The following DHX38 variants were observed in gnomAD, a reference collection of about 807,000 sequenced individuals.
DHX38 encodes the protein DEAH-box helicase 38.
In DHX38, 100 loss-of-function variants were observed where a neutral mutation model predicts 153.1. The ratio of observed to expected loss-of-function variants is 0.65; its 90% CI spans 0.56 to 0.77. The LOEUF is 0.77. Ranked by LOEUF, DHX38 falls within the 30% of genes least tolerant of loss-of-function variation. DHX38 has a pLI of 0.00. For synonymous variants in DHX38, 650 were observed against 631.7 expected, an observed-to-expected ratio of 1.03 and a Z score of -0.43; for missense variants, 1,440 against 1,654.0, an observed-to-expected ratio of 0.87 and a Z score of 2.24.
Position 72,112,628 on chromosome 16 carries a change from A to G in DHX38, c.*131A>G. On this transcript the variant is annotated 3_prime_UTR_variant, in exon 27 of 27. Transcript: ENST00000268482. ...TGTGCATATCACGGCCCCCCAGGGC[A>G]GTTCCTGCTGGACCAGACTCTCTGG... 1.0e-6 allele frequency: 1 copy of G among 977,106 alleles called. No homozygotes were observed. The highest frequency in any genetic ancestry group is 1.6e-6 in the Non-Finnish European group (1 of 633,938). 60.5% of individuals were successfully genotyped at this position (977,106 alleles called of 1,614,324 possible). A position where few individuals can be genotyped will look rare whatever the true frequency, so the allele number is the denominator to read the frequency against.
intron 3 of DHX38, chr16:72,097,302 T>C (rs1468666379): frequency 2.5e-6 from 1 of 393,360 alleles, no homozygotes; most frequent in East Asian, 4.3e-5. Flanking sequence ...CTAATAGTAT[T>C]GGTGATAGAG....
At chr16:72,105,702 C>G in intron 18 of DHX38, 78 bp downstream of exon 18, 2 of 1,395,824 alleles carry the variant, frequency 1.4e-6, no homozygotes, top group Non-Finnish European at 2.0e-6. Flanking sequence ...GCCAGGGCCT[C>G]GCTCCTGGCC....
chr16:72,108,759 T>G (rs759565978), intron 23 of DHX38, 41 bp from the exon 24 acceptor site: 1 of 1,604,950 alleles, frequency 6.2e-7, no homozygotes, highest in South Asian at 1.1e-5. Context: ...CAAATGGGTG[T>G]TGTTTTCCTG....
At chr16:72,094,773 T>G (rs555153205) in intron 1 of DHX38, among the ~76,000 whole-genome samples, 6 of 152,260 alleles carry the variant, frequency 3.9e-5, no homozygotes, top group African/African-American at 1.2e-4. Context: ...ATTCATTTTT[T>G]AATTTATCAA....
Position 72,106,081 on chromosome 16 carries a change from G to T in DHX38, c.2564G>T (p.Gly855Val). 6.2e-7 allele frequency: 1 copy of T among 1,614,214 alleles called. No homozygotes were observed. Among genetic ancestry groups the T allele is most frequent in the South Asian group, 1.1e-5 (1 of 91,086 alleles). The change falls in exon 19 of 27, where the codon GGG becomes GTG. Residue 855 changes from glycine (G) to valine (V), a missense_variant. Coordinates refer to ENST00000268482, the MANE Select transcript of DHX38 (RefSeq NM_014003.4). ...ISQANANQRS[G>V]RAGRTGPGQC... ...CAGGCCAATGCCAACCAGCGGTCAG[G>T]GCGAGCCGGCAGGACGGGCCCAGGT...
Position 72,096,808 on chromosome 16 carries a change from T to C in DHX38, c.324-14T>C, listed in dbSNP as rs771239607. On this transcript the variant is annotated splice_polypyrimidine_tract_variant and intron_variant, in intron 2 of 26. Coordinates refer to ENST00000268482, the MANE Select transcript of DHX38 (RefSeq NM_014003.4). The stretch of plus-strand genomic sequence containing the variant: ...CTATGGAGGGGCCTTTACCAGTTGC[T>C]CTCCCTGTTTCAGACATTATCGGTC... 1 of 1,604,012 alleles carries C rather than the reference T, an allele frequency of 6.2e-7. No individual in the cohort carries two copies. Among genetic ancestry groups the C allele is most frequent in the Non-Finnish European group, 8.5e-7 (1 of 1,174,496 alleles).
At position 72,096,989 on chromosome 16, in the gene DHX38, A is replaced by G. The variant is rs764963782; in HGVS notation, c.491A>G (p.Tyr164Cys). Residue 164 changes from tyrosine to cysteine, a missense_variant, in exon 3 of 27, where the codon TAT becomes TGT. Physicochemically the swap from Tyr to Cys is radical, Grantham distance 194. Coordinates refer to ENST00000268482, the MANE Select transcript of DHX38 (RefSeq NM_014003.4). ...WKKEKSRDRD[Y>C]DRKRDRDERD... ...AAGGAGAAATCGCGGGATCGAGACT[A>G]TGACCGCAAGAGGGACAGAGGTAAA... 1.7e-5 allele frequency: 28 copies of G among 1,613,850 alleles called. No homozygotes were observed. Among genetic ancestry groups the G allele is most frequent in the Non-Finnish European group, 2.3e-5 (27 of 1,179,938 alleles).
Position 72,103,671 on chromosome 16 carries a change from G to T in DHX38, c.1707G>T (p.Leu569=), listed in dbSNP as rs140515087. The change falls in exon 13 of 27, where the codon CTG becomes CTT. Residue 569 remains leucine (L), a synonymous_variant. Coordinates refer to ENST00000268482, the MANE Select transcript of DHX38 (RefSeq NM_014003.4). ...SGKTTQLTQY[L]HEDGYTDYGM... ...AGACCACTCAGCTGACGCAGTACCT[G>T]CATGAAGATGGTTACACGGACTATG... is the stretch of plus-strand genomic sequence containing the variant. 62 of 1,613,988 alleles carry T rather than the reference G, an allele frequency of 3.8e-5. 1 individual carries two copies. In the African/African-American group the frequency reaches 7.2e-4, roughly 19 times the overall value.
At position 72,104,758 on chromosome 16, in the gene DHX38, G is replaced by T. The variant is rs1428703704; in HGVS notation, c.2151+132G>T. 1 of 1,314,140 alleles carries T rather than the reference G, an allele frequency of 7.6e-7. No individual in the cohort carries two copies. The highest frequency in any genetic ancestry group is 1.1e-6 in the Non-Finnish European group (1 of 941,202). The allele number at this position is 1,314,140 out of a possible 1,614,324, so 81.4% of individuals were successfully genotyped here. On this transcript the variant is annotated intron_variant, in intron 15 of 26. Coordinates refer to ENST00000268482, the MANE Select transcript of DHX38 (RefSeq NM_014003.4). This position sits in a 1 kb window ranked among gnomAD's most constrained non-coding sequence, Gnocchi z 4.5. Reference sequence around the variant, plus strand: ...TTTCCTGGGGACCATGGGGCAAATGGGGCAGCCTGCAGCTCTGGGACTCGG... The same window carrying T: ...TTTCCTGGGGACCATGGGGCAAATGTGGCAGCCTGCAGCTCTGGGACTCGG...
Position 72,100,507 on chromosome 16 carries a change from C to G in DHX38, c.1188C>G (p.Asp396Glu). The stretch of plus-strand genomic sequence containing the variant: ...TCCATCGGCTGGAGGTGGATGAGGA[C>G]TTTGAAGAGGACAACGCGGCCAAGG... ...GVVHRLEVDE[D>E]FEEDNAAKVH... Residue 396 changes from aspartate (D) to glutamate (E), a missense_variant, in exon 9 of 27, where the codon GAC becomes GAG. Coordinates refer to ENST00000268482, the MANE Select transcript of DHX38 (RefSeq NM_014003.4). 2 of 1,614,178 alleles carry G rather than the reference C, an allele frequency of 1.2e-6. No individual in the cohort carries two copies. Among genetic ancestry groups the G allele is most frequent in the South Asian group, 2.2e-5 (2 of 91,076 alleles).
intron 11 of DHX38, among the ~76,000 whole-genome samples, chr16:72,102,829 T>G (rs1170402912): frequency 6.6e-6 from 1 of 152,258 alleles, no homozygotes; most frequent in Admixed American, 6.5e-5. Flanking sequence ...CTGTAAATCC[T>G]CCGATCCATG....
chr16:72,108,284 C>A lies in DHX38; in HGVS notation c.3022C>A (p.His1008Asn). ...GAAGTTCGCTGTTCCTGAGAGCGATCATTTGACCTACCTGAATGTTTACCT... is the reference window on the plus strand; with the variant it reads ...GAAGTTCGCTGTTCCTGAGAGCGATAATTTGACCTACCTGAATGTTTACCT... ...REKFAVPESD[H>N]LTYLNVYLQW... is the part of the protein sequence containing the mutation. The change falls in exon 22 of 27, where the codon CAT (histidine) becomes AAT (asparagine). Residue 1008 changes from histidine (H) to asparagine (N), a missense_variant. Around this residue, in one of 6 missense-constraint regions of DHX38, gnomAD observed 543 missense variants for 717.9 expected, o/e 0.76. Transcript: ENST00000268482. 1 of 1,614,060 alleles carries A rather than the reference C, an allele frequency of 6.2e-7. No individual in the cohort carries two copies. Among genetic ancestry groups the A allele is most frequent in the Non-Finnish European group, 8.5e-7 (1 of 1,180,014 alleles).
intron 26 of DHX38, among the ~76,000 whole-genome samples, chr16:72,111,381 G>A (rs2042253821): frequency 6.6e-6 from 1 of 152,200 alleles, no homozygotes; most frequent in South Asian, 2.1e-4. Context: ...GGTGAGAAGT[G>A]CGCCTTGGGC....
chr16:72,094,735 C>T (rs935192850), intron 1 of DHX38, among the ~76,000 whole-genome samples: 2 of 152,186 alleles, frequency 1.3e-5, no homozygotes, highest in African/African-American at 4.8e-5. Flanking sequence ...TGTTTGGGTT[C>T]CTGTCCTCCT....
chr16:72,109,606 T>G, intron 25 of DHX38, 96 bp downstream of exon 25: 1 of 1,134,770 alleles, frequency 8.8e-7, no homozygotes, highest in Non-Finnish European at 1.2e-6. Context: ...CCAACCCACT[T>G]ACTTCTCTCT....
rs773092282 is a variant in DHX38, at chr16:72,106,131, G to A, written c.2600+14G>A. The A allele has an allele frequency of 6.2e-7, 1 of 1,613,090 alleles. No homozygotes were observed. ...TCAGTGTTTCAGGTAGGAGCCCTGTGCTAGCCTGCTTTCTGGGGCAGCGCT... is the reference window on the plus strand; with the variant it reads ...TCAGTGTTTCAGGTAGGAGCCCTGTACTAGCCTGCTTTCTGGGGCAGCGCT... On this transcript the variant is annotated intron_variant, in intron 19 of 26. Coordinates refer to ENST00000268482, the MANE Select transcript of DHX38 (RefSeq NM_014003.4).
chr16:72,105,031 CACAGGAGGATT>C lies in DHX38; in HGVS notation c.2159_2169del (p.Gln720ArgfsTer31). 1 of 1,614,004 alleles carries C rather than the reference CACAGGAGGATT, an allele frequency of 6.2e-7. No homozygotes were observed. Among genetic ancestry groups the C allele is most frequent in the Non-Finnish European group, 8.5e-7 (1 of 1,179,954 alleles). ...GTGTCCCCACTGCTGTTGCAGACCCCACAGGAGGATTACGTGGAGGCTGCAGTGAAGCAGTC... is the reference window on the plus strand; with the variant it reads ...GTGTCCCCACTGCTGTTGCAGACCCCACGTGGAGGCTGCAGTGAAGCAGTC... On this transcript the variant is annotated frameshift_variant, in exon 16 of 27. Coordinates refer to ENST00000268482, the MANE Select transcript of DHX38 (RefSeq NM_014003.4). LOFTEE classifies it high-confidence loss of function.
Position 72,105,033 on chromosome 16 carries a change from C to T in DHX38, c.2158C>T (p.Gln720Ter). The change falls in exon 16 of 27, where the codon CAG becomes TAG. Residue 720 changes from glutamine to a stop codon, truncating the protein, a stop_gained. Transcript: ENST00000268482. LOFTEE classifies it high-confidence loss of function. ...GTCCCCACTGCTGTTGCAGACCCCA[C>T]AGGAGGATTACGTGGAGGCTGCAGT... is the stretch of plus-strand genomic sequence containing the variant. ...PVDILFSKTPQEDYVEAAVKQ... is the reference protein window; with the variant it reads ...PVDILFSKTP The T allele has an allele frequency of 1.2e-6, 2 of 1,614,022 alleles. No homozygotes were observed. Among genetic ancestry groups the T allele is most frequent in the East Asian group, 2.2e-5 (1 of 44,876 alleles).
chr16:72,109,272 G>C (rs1395208108), intron 24 of DHX38, 143 bp from the exon 25 acceptor site: 7 of 891,554 alleles, frequency 7.9e-6, no homozygotes, highest in Non-Finnish European at 1.2e-5. Flanking sequence ...TTGGATGGGA[G>C]TATCTGGGGT....
Sources: allele counts gnomAD v4.1 joint callset (sites outside exome capture counted in the v4.1 genomes callset), GRCh38; gene constraint gnomAD v4.1.1; regional missense constraint gnomAD v4.1.1; non-coding constraint Gnocchi (gnomAD v3.1); transcripts MANE v1.5; gene names NCBI Gene and HGNC (gene_info 2026-07-23, HGNC 2026-07-21).